SLC9A2: variants seen among roughly 807,000 people sequenced by gnomAD.
The protein encoded by SLC9A2 is sodium/hydrogen exchanger 2.
In SLC9A2, 42 loss-of-function variants were observed where a neutral mutation model predicts 71.7. That is an observed-to-expected ratio of 0.59 (90% CI 0.46 to 0.76). SLC9A2 has a LOEUF of 0.76. Ranked by LOEUF, SLC9A2 falls within the 30% of genes least tolerant of loss-of-function variation. The pLI, the probability that SLC9A2 is intolerant of heterozygous loss-of-function variation, is 0.00. For synonymous variants in SLC9A2, 396 were observed against 392.5 expected (o/e 1.01, Z -0.10); for missense variants, 829 against 1,017.4 (o/e 0.81, Z 2.52).
intron 1 of SLC9A2, among the ~76,000 whole-genome samples, chr2:102,637,798 A>G (rs1450570168): frequency 6.6e-6 from 1 of 152,210 alleles, no homozygotes; most frequent in East Asian, 1.9e-4. Context: ...TACCTAATTC[A>G]TGGAATCTCT....
intron 3 of SLC9A2, among the ~76,000 whole-genome samples, chr2:102,677,712 C>T (rs1447352862): frequency 1.3e-5 from 2 of 152,188 alleles, no homozygotes; most frequent in African/African-American, 4.8e-5. Context: ...TAAGCATTGG[C>T]AACACTTTTC....
At chr2:102,681,984 G>A (rs1677460601) in intron 3 of SLC9A2, among the ~76,000 whole-genome samples, 2 of 152,194 alleles carry the variant, frequency 1.3e-5, no homozygotes, top group Admixed American at 6.5e-5. Flanking sequence ...GACAGCAGAA[G>A]TCTTCTCCGA....
chr2:102,704,437 G>C, intron 9 of SLC9A2, 107 bp from the exon 10 acceptor site: 1 of 998,376 alleles, frequency 1.0e-6, no homozygotes, highest in Non-Finnish European at 1.5e-6. Flanking sequence ...TAAGTGCTTA[G>C]CTGAGGTGCA....
Position 102,708,909 on chromosome 2 carries a change from GA to G in SLC9A2, c.*422del, listed in dbSNP as rs1678042392. 5.9e-6 allele frequency: 1 copy of G among 168,966 alleles called. No individual in the cohort carries two copies. The highest frequency in any genetic ancestry group is 1.5e-4 in the South Asian group (1 of 6,608). The allele number at this position is 168,966 out of a possible 1,614,324, so 10.5% of individuals were successfully genotyped here. A position where few individuals can be genotyped will look rare whatever the true frequency, so the allele number is the denominator to read the frequency against. Reference sequence around the variant, plus strand: ...AAGTGAATGGCACTAAAAGTATCGAGAACAGCTTTCTTTCCCAGGGGTGAAG... The same window carrying G: ...AAGTGAATGGCACTAAAAGTATCGAGACAGCTTTCTTTCCCAGGGGTGAAG... On this transcript the variant is annotated 3_prime_UTR_variant, in exon 12 of 12. Coordinates refer to ENST00000233969, the MANE Select transcript of SLC9A2 (RefSeq NM_003048.6).
chr2:102,702,928 C>G (rs999439965), intron 9 of SLC9A2, among the ~76,000 whole-genome samples: 3 of 152,208 alleles, frequency 2.0e-5, no homozygotes, highest in Non-Finnish European at 4.4e-5. Flanking sequence ...TAATAATTTG[C>G]TAACAACACA....
At chr2:102,634,446 T>G (rs946488497) in intron 1 of SLC9A2, among the ~76,000 whole-genome samples, 7 of 152,204 alleles carry the variant, frequency 4.6e-5, no homozygotes, top group Non-Finnish European at 1.0e-4. Flanking sequence ...TTCGTTAGGT[T>G]GTTGTGAGGA....
chr2:102,683,886 A>T (rs994535256), intron 4 of SLC9A2, among the ~76,000 whole-genome samples: 1 of 151,168 alleles, frequency 6.6e-6, no homozygotes, highest in Non-Finnish European at 1.5e-5. Context: ...GAGTATCTTC[A>T]TGGCTTTGTT....
chr2:102,658,346 G>A (rs969715886), intron 2 of SLC9A2, among the ~76,000 whole-genome samples: 1 of 151,944 alleles, frequency 6.6e-6, no homozygotes, highest in Non-Finnish European at 1.5e-5. Context: ...TATGATTTTG[G>A]CCTTTGCAAC....
In SLC9A2 at chr2:102,657,606, G is replaced by A; in HGVS notation, c.332G>A (p.Ser111Asn). Reference sequence around the variant, plus strand: ...AAGTTGCCCACAATAGTGCCTGAGAGCTGCCTTCTTATAATGGTTGGACTT... The same window carrying A: ...AAGTTGCCCACAATAGTGCCTGAGAACTGCCTTCTTATAATGGTTGGACTT... ...YHKLPTIVPE[S>N]CLLIMVGLLL... The change falls in exon 2 of 12, where the codon AGC (serine) becomes AAC (asparagine). Residue 111 changes from serine to asparagine, a missense_variant. Coordinates refer to ENST00000233969, the MANE Select transcript of SLC9A2 (RefSeq NM_003048.6). 3 of 1,613,898 alleles carry A rather than the reference G, an allele frequency of 1.9e-6. No homozygotes were observed. Among genetic ancestry groups the A allele is most frequent in the Non-Finnish European group, 2.5e-6 (3 of 1,179,888 alleles).
chr2:102,646,675 A>G (rs1676728894), intron 1 of SLC9A2, among the ~76,000 whole-genome samples: 1 of 151,878 alleles, frequency 6.6e-6, no homozygotes, highest in Non-Finnish European at 1.5e-5. Context: ...CTCTGATAAA[A>G]CAGACTTTAA....
At chr2:102,627,674 G>T (rs985261067) in intron 1 of SLC9A2, among the ~76,000 whole-genome samples, 4 of 151,840 alleles carry the variant, frequency 2.6e-5, no homozygotes, top group Non-Finnish European at 4.4e-5. Context: ...CTTTATCAAA[G>T]AATTAGCTTT....
In SLC9A2 at chr2:102,690,597, G is replaced by A. The variant is rs144697180; in HGVS notation, c.1426-3817G>A. Among the ~76,000 whole-genome samples the A allele has an allele frequency of 1.8e-3, 269 of 152,190 alleles. 2 individuals are homozygous for A. The highest frequency in any genetic ancestry group is 6.2e-3 in the African/African-American group (259 of 41,518). ...GAAAGCTGGAGTATAGGGGAGAGAC[G>A]GACAGACATAGAAGGGGAAATCAGT... On this transcript the variant is annotated intron_variant, in intron 5 of 11. Transcript: ENST00000233969.
intron 1 of SLC9A2, among the ~76,000 whole-genome samples, chr2:102,632,262 T>TA (rs1483732029): frequency 1.4e-5 from 2 of 145,816 alleles, no homozygotes; most frequent in African/African-American, 2.5e-5. Flanking sequence ...ATATTTGCCC[T>TA]ATCTGTTTAA....
At position 102,706,886 on chromosome 2, in the gene SLC9A2, T is replaced by C. The variant is rs531650519; in HGVS notation, c.2068+950T>C. Among the ~76,000 whole-genome samples, 12 of 152,380 alleles carry C rather than the reference T, an allele frequency of 7.9e-5. No individual in the cohort carries two copies. The South Asian group carries it at 1.2e-3, about 16-fold the overall frequency. On this transcript the variant is annotated intron_variant, in intron 11 of 11. Transcript: ENST00000233969. The stretch of plus-strand genomic sequence containing the variant: ...AATGTCTAATATCTTTTTAATGTGA[T>C]GGTTATCTTTATGTAGACACCGAAG...
chr2:102,668,905 T>C (rs571968461), intron 3 of SLC9A2, among the ~76,000 whole-genome samples: 5 of 152,356 alleles, frequency 3.3e-5, no homozygotes, highest in African/African-American at 1.2e-4. Flanking sequence ...CAGCCTGTTC[T>C]AGACGGATGT....
chr2:102,657,658 T>C lies in SLC9A2; in HGVS notation c.384T>C (p.Val128=). The C allele has an allele frequency of 6.2e-7, 1 of 1,614,136 alleles. No homozygotes were observed. The highest frequency in any genetic ancestry group is 8.5e-7 in the Non-Finnish European group (1 of 1,179,990). ...TACTAGGTGGGATTATTTTTGGTGT[T>C]GATGAGAAGTCTCCCCCTGCAATGA... ...GLLLGGIIFG[V]DEKSPPAMKT... The change falls in exon 2 of 12, where the codon GTT becomes GTC. Residue 128 remains valine, a synonymous_variant. Coordinates refer to ENST00000233969, the MANE Select transcript of SLC9A2 (RefSeq NM_003048.6).
chr2:102,631,278 G>A (rs1451194298), intron 1 of SLC9A2, among the ~76,000 whole-genome samples: 1 of 151,464 alleles, frequency 6.6e-6, no homozygotes, highest in East Asian at 1.9e-4. Flanking sequence ...TTTTTTCTTG[G>A]CTAAAAGCAT....
intron 5 of SLC9A2, 126 bp downstream of exon 5, chr2:102,684,462 T>C: frequency 1.1e-6 from 1 of 879,222 alleles, no homozygotes; most frequent in East Asian, 2.4e-5. Context: ...GGGAAAATGA[T>C]ATTTCCTGTC....
intron 5 of SLC9A2, among the ~76,000 whole-genome samples, chr2:102,688,572 A>G (rs1351963591): frequency 1.3e-5 from 2 of 152,110 alleles, no homozygotes; most frequent in Non-Finnish European, 2.9e-5. Flanking sequence ...TACTAAAACT[A>G]CAAAAATTAG....
Sources: allele counts gnomAD v4.1 joint callset (sites outside exome capture counted in the v4.1 genomes callset), GRCh38; gene constraint gnomAD v4.1.1; transcripts MANE v1.5; gene names NCBI Gene and HGNC (gene_info 2026-07-23, HGNC 2026-07-21).